The following CALN1 variants were observed in gnomAD, a reference collection of about 807,000 sequenced individuals.
CALN1 encodes calneuron 1.
In CALN1, 17 loss-of-function variants were observed where a neutral mutation model predicts 30.6. The ratio of observed to expected loss-of-function variants is 0.56; its 90% CI spans 0.38 to 0.83. The LOEUF (loss-of-function observed/expected upper bound fraction) is 0.83, where lower values mean the gene tolerates loss of function less well. Ranked by LOEUF, CALN1 falls within the 40% of genes least tolerant of loss-of-function variation. The probability of loss-of-function intolerance (pLI) is 0.00; values close to 1 mark genes in which losing one functional copy is unlikely to be tolerated. For synonymous variants in CALN1, 156 were observed against 131.4 expected (o/e 1.19, Z -1.28); for missense variants, 291 against 354.9 (o/e 0.82, Z 1.45).
chr7:72,345,340 G>A (rs1429871005), intron 2 of CALN1, among the ~76,000 whole-genome samples: 21 of 130,374 alleles, frequency 1.6e-4, no homozygotes, highest in Non-Finnish European at 3.1e-4. Flanking sequence ...AAAGAAGAAA[G>A]TGGAAGGAAA....
the CALN1 span, among the ~76,000 whole-genome samples, chr7:72,496,645 T>C: frequency 6.6e-6 from 1 of 152,180 alleles, no homozygotes; most frequent in Non-Finnish European, 1.5e-5. Context: ...TCCCAGCACT[T>C]TGGGACACCG....
At chr7:72,464,478 A>G in the CALN1 span, among the ~76,000 whole-genome samples, 1 of 152,192 alleles carries the variant, frequency 6.6e-6, no homozygotes, top group Non-Finnish European at 1.5e-5. Flanking sequence ...AGCCACCTGC[A>G]TCCCAAGGGA....
chr7:71,938,565 G>A (rs1202871203), intron 5 of CALN1, among the ~76,000 whole-genome samples: 1 of 152,120 alleles, frequency 6.6e-6, no homozygotes, highest in African/African-American at 2.4e-5. Flanking sequence ...GGGAGGCTGA[G>A]GTGGGCAGAT....
chr7:72,183,032 T>C (rs1789929816), intron 3 of CALN1, among the ~76,000 whole-genome samples: 1 of 152,100 alleles, frequency 6.6e-6, no homozygotes, highest in Non-Finnish European at 1.5e-5. Context: ...GTCAGCTCTA[T>C]GGGGCTTTTT....
chr7:72,281,962 A>G (rs1209497517), intron 2 of CALN1, among the ~76,000 whole-genome samples: 1 of 152,252 alleles, frequency 6.6e-6, no homozygotes, highest in African/African-American at 2.4e-5. Flanking sequence ...AGCTTACAAA[A>G]TTAGGTACAC....
intron 5 of CALN1, among the ~76,000 whole-genome samples, chr7:71,996,008 C>T (rs922834218): frequency 3.9e-5 from 6 of 152,152 alleles, no homozygotes; most frequent in African/African-American, 1.4e-4. Context: ...TCTTTTCTGC[C>T]CCGTCAAGAA....
chr7:72,174,876 C>A (rs1219808677), intron 3 of CALN1, among the ~76,000 whole-genome samples: 3 of 150,484 alleles, frequency 2.0e-5, no homozygotes, highest in African/African-American at 7.3e-5. Context: ...AAATTGCACA[C>A]TTTAAATATG....
At chr7:72,409,013 T>C (rs2129562845) in intron 1 of CALN1, among the ~76,000 whole-genome samples, 1 of 151,400 alleles carries the variant, frequency 6.6e-6, no homozygotes, top group East Asian at 2.0e-4. Flanking sequence ...GGGGCAGCGG[T>C]GGAACAGAGT....
At chr7:71,910,231 A>G (rs1794356244) in intron 5 of CALN1, among the ~76,000 whole-genome samples, 1 of 152,198 alleles carries the variant, frequency 6.6e-6, no homozygotes, top group African/African-American at 2.4e-5. Context: ...TGCCATATCA[A>G]CGCCAGACCT....
intron 2 of CALN1, among the ~76,000 whole-genome samples, chr7:72,393,591 G>A (rs1301344900): frequency 1.3e-5 from 2 of 152,254 alleles, no homozygotes; most frequent in East Asian, 1.9e-4. Context: ...GTACTCTGTT[G>A]ATCATCAGAT....
chr7:72,397,762 C>T (rs1806074883), intron 2 of CALN1, among the ~76,000 whole-genome samples: 1 of 118,136 alleles, frequency 8.5e-6, no homozygotes, highest in Non-Finnish European at 1.8e-5. Flanking sequence ...CTTGCTCCAA[C>T]CAAAGTGGGT....
intron 4 of CALN1, among the ~76,000 whole-genome samples, chr7:72,034,589 C>T (rs844675): frequency 0.27 from 41,139 of 151,092 alleles, 5,816 homozygotes; most frequent in Middle Eastern, 0.36. Flanking sequence ...GCTAGGAGAT[C>T]GAGACCAGCC....
intron 3 of CALN1, among the ~76,000 whole-genome samples, chr7:72,177,139 CTCA>C (rs1789416353): frequency 6.6e-6 from 1 of 152,162 alleles, no homozygotes; most frequent in Non-Finnish European, 1.5e-5. Context: ...GCTACAAGAG[CTCA>C]TTCACTCATT....
chr7:72,404,069 CCT>C (rs1806534251), intron 1 of CALN1, among the ~76,000 whole-genome samples: 1 of 152,290 alleles, frequency 6.6e-6, no homozygotes, highest in East Asian at 1.9e-4. Context: ...GTGGCAACAT[CCT>C]CTTTCTACCT....
At chr7:71,898,014 G>A (rs1310999678) in intron 5 of CALN1, among the ~76,000 whole-genome samples, 126 of 79,630 alleles carry the variant, frequency 1.6e-3, no homozygotes, top group East Asian at 4.8e-3. Context: ...GGAGGGAGGG[G>A]GGGGGAGAGA....
intron 4 of CALN1, among the ~76,000 whole-genome samples, chr7:72,031,040 A>T (rs1801405637): frequency 6.6e-6 from 1 of 152,198 alleles, no homozygotes; most frequent in Non-Finnish European, 1.5e-5. Context: ...CCTGCTGCCC[A>T]TTTGACAAAT....
chr7:72,223,276 A>T (rs1333717470), intron 3 of CALN1, among the ~76,000 whole-genome samples: 1 of 152,120 alleles, frequency 6.6e-6, no homozygotes, highest in Non-Finnish European at 1.5e-5. Flanking sequence ...GGAGAAATAA[A>T]ATCTCCCAGG....
chr7:71,995,100 C>T (rs1799186399), intron 5 of CALN1, among the ~76,000 whole-genome samples: 1 of 152,162 alleles, frequency 6.6e-6, no homozygotes, highest in Non-Finnish European at 1.5e-5. Flanking sequence ...GATCCGCCTG[C>T]CTCGGCCTCC....
At chr7:72,262,761 C>T (rs1796351003) in intron 3 of CALN1, among the ~76,000 whole-genome samples, 1 of 152,204 alleles carries the variant, frequency 6.6e-6, no homozygotes, top group African/African-American at 2.4e-5. Context: ...TTCTATCCCT[C>T]AGGACAATTC....
Sources: allele counts gnomAD v4.1 joint callset (sites outside exome capture counted in the v4.1 genomes callset), GRCh38; gene constraint gnomAD v4.1.1; transcripts MANE v1.5; gene names NCBI Gene and HGNC (gene_info 2026-07-23, HGNC 2026-07-21).